Variants in ZC3H7A observed in about 807,000 individuals in gnomAD.
ZC3H7A encodes the protein zinc finger CCCH-type containing 7A.
In ZC3H7A, 44 loss-of-function variants were observed where a neutral mutation model predicts 125.5. That is an observed-to-expected ratio of 0.35 (90% CI 0.28 to 0.45). ZC3H7A has a LOEUF of 0.45. Ranked by LOEUF, ZC3H7A falls within the 20% of genes least tolerant of loss-of-function variation. ZC3H7A has a pLI of 1.00. For synonymous variants in ZC3H7A, 399 were observed against 391.2 expected, an observed-to-expected ratio of 1.02 and a Z score of -0.23; for missense variants, 977 against 1,170.7, an observed-to-expected ratio of 0.83 and a Z score of 2.41.
intron 3 of ZC3H7A, among the ~76,000 whole-genome samples, chr16:11,780,001 G>T (rs1390681802): frequency 6.6e-6 from 1 of 152,066 alleles, no homozygotes. Context: ...TACTGATTTG[G>T]GGGGAGGGGG....
At chr16:11,785,793 G>A (rs1029810846) in intron 1 of ZC3H7A, among the ~76,000 whole-genome samples, 1 of 152,090 alleles carries the variant, frequency 6.6e-6, no homozygotes, top group Non-Finnish European at 1.5e-5. Context: ...CTACTTTTTT[G>A]TATTTTTAGT....
chr16:11,751,530 A>C, intron 22 of ZC3H7A, 24 bp from the exon 23 acceptor site: 1 of 1,601,278 alleles, frequency 6.2e-7, no homozygotes, highest in Non-Finnish European at 8.5e-7. Context: ...TCAGCTGCTC[A>C]GTGTCCATAT....
In ZC3H7A at chr16:11,761,476, G is replaced by A. The variant is rs1001476813; in HGVS notation, c.2249C>T (p.Ser750Phe). 5.0e-6 allele frequency: 8 copies of A among 1,613,910 alleles called. No individual in the cohort carries two copies. Among genetic ancestry groups the A allele is most frequent in the Non-Finnish European group, 5.1e-6 (6 of 1,179,996 alleles). ...GTTCATCCACTTCTTACGTTCAATA[G>A]ACATCACTCTCATCGCACGCCGGTC... is the stretch of plus-strand genomic sequence containing the variant. The part of the protein sequence containing the change: ...TKDRRAMRVM[S>F]IERKKWMNIR... Residue 750 changes from serine to phenylalanine, a missense_variant, in exon 19 of 23, where the codon TCT becomes TTT. Coordinates refer to ENST00000355758, the MANE Select transcript of ZC3H7A (RefSeq NM_014153.4).
At position 11,751,223 on chromosome 16, in the gene ZC3H7A, A is replaced by T; in HGVS notation, c.*94T>A. 1 of 1,325,718 alleles carries T rather than the reference A, an allele frequency of 7.5e-7. No individual in the cohort carries two copies. The highest frequency in any genetic ancestry group is 1.0e-6 in the Non-Finnish European group (1 of 982,852). The allele number at this position is 1,325,718 out of a possible 1,614,324, so 82.1% of individuals were successfully genotyped here. A position where few individuals can be genotyped will look rare whatever the true frequency, so the allele number is the denominator to read the frequency against. ...AGGAACGATATACGCCAATACAAGC[A>T]GGAAATCTGCAGCTCCTCTGCTATG... On this transcript the variant is annotated 3_prime_UTR_variant, in exon 23 of 23. Transcript: ENST00000355758.
At chr16:11,785,295 T>C (rs1318706442) in intron 1 of ZC3H7A, among the ~76,000 whole-genome samples, 1 of 151,602 alleles carries the variant, frequency 6.6e-6, no homozygotes. Context: ...GCTACAATCA[T>C]GCCAGTGCAC....
chr16:11,770,983 G>A lies in ZC3H7A; in HGVS notation c.908C>T (p.Ser303Leu). 1.3e-6 allele frequency: 2 copies of A among 1,592,712 alleles called. No individual in the cohort carries two copies. The highest frequency in any genetic ancestry group is 1.7e-6 in the Non-Finnish European group (2 of 1,171,960). The change falls in exon 10 of 23, where the codon TCA (serine) becomes TTA (leucine). Residue 303 changes from serine (S) to leucine (L), a missense_variant. By Grantham distance (145) the Ser-to-Leu change is moderately radical (BLOSUM62 -2). This residue lies in a region of ZC3H7A where 342 missense variants were observed against 311.3 expected (regional missense o/e 1.10). Transcript: ENST00000355758. Reference protein sequence around the residue: ...APETNETVMPSALVRGPLQTA... With the variant: ...APETNETVMPLALVRGPLQTA... ...CTGAAGGGGTCCTCTGACTAAAGCT[G>A]ACGGCTGCGGAAGAAAAAAAGATGT...
intron 1 of ZC3H7A, among the ~76,000 whole-genome samples, chr16:11,795,267 T>G (rs1259622880): frequency 6.6e-6 from 1 of 152,182 alleles, no homozygotes; most frequent in Non-Finnish European, 1.5e-5. Flanking sequence ...TTTGAGAGCT[T>G]AAGGGAAGGA....
intron 9 of ZC3H7A, among the ~76,000 whole-genome samples, chr16:11,773,875 T>C (rs2053031807): frequency 6.6e-5 from 10 of 151,880 alleles, no homozygotes; most frequent in Admixed American, 5.9e-4. Context: ...AGAGCAAGAC[T>C]CCGTCTCAAA....
chr16:11,764,615 G>A (rs1031182492), intron 15 of ZC3H7A, among the ~76,000 whole-genome samples: 5 of 152,028 alleles, frequency 3.3e-5, no homozygotes, highest in African/African-American at 4.8e-5. Flanking sequence ...CCAGCTACTC[G>A]AGAGGCTGAG....
chr16:11,764,712 ACT>A (rs2141176138), intron 15 of ZC3H7A, among the ~76,000 whole-genome samples: 1 of 152,074 alleles, frequency 6.6e-6, no homozygotes, highest in Non-Finnish European at 1.5e-5. Context: ...ACAGAGCGAG[ACT>A]CTGTCTCAAA....
chr16:11,787,811 T>C (rs921229585), intron 1 of ZC3H7A, among the ~76,000 whole-genome samples: 15 of 152,032 alleles, frequency 9.9e-5, no homozygotes, highest in African/African-American at 3.6e-4. Context: ...CCGGGCATGG[T>C]GGCAGGTGCC....
chr16:11,793,546 TG>T lies in ZC3H7A; in HGVS notation c.-35+3577del, dbSNP rs899695298. Among the ~76,000 whole-genome samples, 53 of 143,824 alleles carry T rather than the reference TG, an allele frequency of 3.7e-4. No individual in the cohort carries two copies. The South Asian group carries it at 7.7e-3, about 21-fold the overall frequency. 94.4% of individuals were successfully genotyped at this position (143,824 alleles called of 152,430 possible). On this transcript the variant is annotated intron_variant, in intron 1 of 22. Coordinates refer to ENST00000355758, the MANE Select transcript of ZC3H7A (RefSeq NM_014153.4). Reference sequence around the variant, plus strand: ...AGATCCTGTCTCAAAAAAAAGGGGGTGGGGGGGAGGAAAAATGATACATTCC... The same window carrying T: ...AGATCCTGTCTCAAAAAAAAGGGGGTGGGGGGAGGAAAAATGATACATTCC...
chr16:11,761,807 T>C, intron 18 of ZC3H7A, 103 bp downstream of exon 18: 1 of 1,467,542 alleles, frequency 6.8e-7, no homozygotes, highest in Non-Finnish European at 9.2e-7. Flanking sequence ...TCTATTTTTC[T>C]CTCCTCTCTT....
intron 3 of ZC3H7A, among the ~76,000 whole-genome samples, chr16:11,780,938 T>A (rs1321756110): frequency 6.6e-6 from 1 of 151,998 alleles, no homozygotes; most frequent in Non-Finnish European, 1.5e-5. Flanking sequence ...CAGAAAAAAA[T>A]GTTCCACACA....
At chr16:11,774,096 GAAAAAAAGTAACTTTC>G in intron 9 of ZC3H7A, 124 bp downstream of exon 9, 1 of 824,314 alleles carries the variant, frequency 1.2e-6, no homozygotes, top group Non-Finnish European at 1.7e-6. Context: ...CAGTAGAGAA[GAAAAAAAGTAACTTTC>G]AAGGTTAAAA....
At chr16:11,761,652 AT>A (rs1284833683) in intron 18 of ZC3H7A, 141 bp from the exon 19 acceptor site, 55 of 900,092 alleles carry the variant, frequency 6.1e-5, no homozygotes, top group Non-Finnish European at 8.7e-5. Flanking sequence ...ATGATTCTGT[AT>A]TTTCACTTCC....
In ZC3H7A at chr16:11,761,279, C is replaced by T. The variant is rs530039946; in HGVS notation, c.2319+127G>A. 85 of 879,348 alleles carry T rather than the reference C, an allele frequency of 9.7e-5. 3 individuals are homozygous for T. The South Asian group carries it at 1.4e-3, about 14-fold the overall frequency. The allele number at this position is 879,348 out of a possible 1,614,324, so 54.5% of individuals were successfully genotyped here. A position where few individuals can be genotyped will look rare whatever the true frequency, so the allele number is the denominator to read the frequency against. ...AAGGGAAGGAAAACCAAAGAGGAAC[C>T]ATTTAAATAGCATTATTACTGACGA... On this transcript the variant is annotated intron_variant, in intron 19 of 22. Coordinates refer to ENST00000355758, the MANE Select transcript of ZC3H7A (RefSeq NM_014153.4).
chr16:11,769,584 G>A (rs1041298780), intron 10 of ZC3H7A, among the ~76,000 whole-genome samples: 5 of 150,662 alleles, frequency 3.3e-5, no homozygotes, highest in African/African-American at 1.2e-4. Context: ...GATGGCAGGC[G>A]CCTGTAATCC....
intron 7 of ZC3H7A, among the ~76,000 whole-genome samples, chr16:11,775,242 G>C (rs993589315): frequency 4.6e-5 from 7 of 151,966 alleles, no homozygotes; most frequent in African/African-American, 1.7e-4. Flanking sequence ...ATGGTGGCAG[G>C]CATCTGTAAT....
Sources: gnomAD v4.1 joint callset for allele counts (sites outside exome capture counted in the v4.1 genomes callset) on GRCh38, gnomAD v4.1.1 for gene constraint, gnomAD v4.1.1 regional missense constraint, MANE v1.5 for transcripts, NCBI Gene and HGNC (gene_info 2026-07-23, HGNC 2026-07-21) for gene names.